The following TUBD1 variants were observed in gnomAD, a reference collection of about 807,000 sequenced individuals.
TUBD1 encodes the protein tubulin delta chain.
Under a neutral mutation model 51.2 loss-of-function variants are expected in TUBD1, and 38 were observed. That is an observed-to-expected ratio of 0.74 (90% CI 0.57 to 0.97). TUBD1 has a LOEUF of 0.97. TUBD1 is among the 50% of genes least tolerant of loss of function. TUBD1 has a pLI of 0.00. For missense variants in TUBD1, 489 were observed against 538.4 expected, an observed-to-expected ratio of 0.91 and a Z score of 0.91; for synonymous variants, 169 against 178.2, an observed-to-expected ratio of 0.95 and a Z score of 0.41.
In TUBD1 at chr17:59,878,330, A is replaced by G. The variant is rs1446731767; in HGVS notation, c.542T>C (p.Ile181Thr). The G allele has an allele frequency of 1.9e-6, 3 of 1,609,838 alleles. No homozygotes were observed. The highest frequency in any genetic ancestry group is 2.6e-6 in the Non-Finnish European group (3 of 1,176,134). ...IIWPYGTGEV[I>T]VQNYNSILTL... ...CAAAATGGAGTTGTAGTTTTGAACAATAACCTGGAGAGGAAAAGGTCAGAA... is the reference window on the plus strand; with the variant it reads ...CAAAATGGAGTTGTAGTTTTGAACAGTAACCTGGAGAGGAAAAGGTCAGAA... The change falls in exon 5 of 9, where the codon ATT becomes ACT. Residue 181 changes from isoleucine (I) to threonine (T), a missense_variant. Transcript: ENST00000325752.
chr17:59,871,924 T>G (rs1307159863), intron 6 of TUBD1, among the ~76,000 whole-genome samples: 1 of 151,664 alleles, frequency 6.6e-6, no homozygotes, highest in East Asian at 1.9e-4. Flanking sequence ...CCCTCCCAAG[T>G]AGCTAGGACT....
rs780470894 is a variant in TUBD1 at position 59,880,962 on chromosome 17, T to G, written c.469A>C (p.Asn157His). 2 of 1,614,146 alleles carry G rather than the reference T, an allele frequency of 1.2e-6. No individual in the cohort carries two copies. Among genetic ancestry groups the G allele is most frequent in the East Asian group, 4.5e-5 (2 of 44,874 alleles). ...GAGTTTGAGTACTGATCTTCTAAAT[T>G]CTGTGTAACGAAAGCTCCTAATCCT... ...GSGLGAFVTQ[N>H]LEDQYSNSLK... is the part of the protein sequence containing the mutation. The change falls in exon 4 of 9, where the codon AAT becomes CAT. Residue 157 changes from asparagine (N) to histidine (H), a missense_variant. Asn to His is a moderately conservative substitution (Grantham distance 68). Coordinates refer to ENST00000325752, the MANE Select transcript of TUBD1 (RefSeq NM_016261.4).
chr17:59,870,365 C>T (rs2039920756), intron 6 of TUBD1, among the ~76,000 whole-genome samples: 1 of 94,752 alleles, frequency 1.1e-5, no homozygotes, highest in Non-Finnish European at 1.9e-5. Context: ...AGTGTGACTC[C>T]ATCTCACAAA....
At chr17:59,864,330 G>C (rs1437053236) in intron 7 of TUBD1, among the ~76,000 whole-genome samples, 1 of 150,786 alleles carries the variant, frequency 6.6e-6, no homozygotes, top group Non-Finnish European at 1.5e-5. Context: ...ATTTTTTGTA[G>C]AGATGGGGTT....
intron 2 of TUBD1, among the ~76,000 whole-genome samples, chr17:59,888,572 G>A (rs1027244713): frequency 8.5e-5 from 13 of 152,200 alleles, no homozygotes; most frequent in African/African-American, 3.1e-4. Context: ...CTGGGCTAGA[G>A]GTCTGAAAGT....
intron 5 of TUBD1, among the ~76,000 whole-genome samples, chr17:59,877,597 G>A (rs565048675): frequency 2.6e-5 from 4 of 152,172 alleles, no homozygotes; most frequent in South Asian, 2.1e-4. Flanking sequence ...GTGAAACTCC[G>A]TCTCTACTAA....
chr17:59,872,008 C>T (rs1362815073), intron 6 of TUBD1, among the ~76,000 whole-genome samples: 2 of 151,884 alleles, frequency 1.3e-5, no homozygotes, highest in African/African-American at 2.4e-5. Flanking sequence ...GGCTGGAGAG[C>T]AGGGGTGTGA....
In TUBD1 at chr17:59,866,762, A is replaced by C; in HGVS notation, c.935-13T>G. 6.3e-7 allele frequency: 1 copy of C among 1,581,676 alleles called. No individual in the cohort carries two copies. The highest frequency in any genetic ancestry group is 8.5e-7 in the Non-Finnish European group (1 of 1,170,514). On this transcript the variant is annotated splice_polypyrimidine_tract_variant and intron_variant, in intron 6 of 8. Transcript: ENST00000325752. ...TGCCTATCAATACCTACCAAAAGAA[A>C]AAAAAAGCAAGAGGTTTTATTTTAT...
At chr17:59,886,260 G>A (rs547569294) in intron 2 of TUBD1, 30 bp from the exon 3 acceptor site, 101 of 1,545,854 alleles carry the variant, frequency 6.5e-5, no homozygotes, top group Non-Finnish European at 7.6e-5. Flanking sequence ...CAAAAACATC[G>A]AAAGAAAAAA....
At chr17:59,875,051 G>A (rs959143603) in intron 5 of TUBD1, among the ~76,000 whole-genome samples, 1 of 140,190 alleles carries the variant, frequency 7.1e-6, no homozygotes, top group African/African-American at 2.6e-5. Flanking sequence ...GTCATTCTAT[G>A]TTCACTAAAT....
At chr17:59,886,644 A>AG (rs2040748308) in intron 2 of TUBD1, 1 of 159,588 alleles carries the variant, frequency 6.3e-6, no homozygotes, top group African/African-American at 2.4e-5. Flanking sequence ...AAAAAAAAAA[A>AG]AAAAAAAAAA....
At chr17:59,860,564 T>C in intron 8 of TUBD1, 140 bp from the exon 9 acceptor site, 1 of 611,620 alleles carries the variant, frequency 1.6e-6, no homozygotes, top group Non-Finnish European at 2.8e-6. Context: ...TACATTTGCT[T>C]TGTTTACTCC....
intron 2 of TUBD1, among the ~76,000 whole-genome samples, chr17:59,887,859 T>C (rs2040802991): frequency 6.6e-6 from 1 of 152,086 alleles, no homozygotes; most frequent in African/African-American, 2.4e-5. Flanking sequence ...CTTGAATTCC[T>C]GGCCTCAAGC....
Position 59,880,030 on chromosome 17 carries a change from G to A in TUBD1, c.537+864C>T, listed in dbSNP as rs568200000. Among the ~76,000 whole-genome samples, 8 of 152,166 alleles carry A rather than the reference G, an allele frequency of 5.3e-5. No individual in the cohort carries two copies. In the South Asian group the frequency reaches 6.2e-4, roughly 12 times the overall value. On this transcript the variant is annotated intron_variant, in intron 4 of 8. Transcript: ENST00000325752. ...GGCCTCCCAAAGTGCTGGGATTACA[G>A]GTGTGAGCCACTGCGCCCAGCCATT...
chr17:59,879,750 A>T (rs1388529737), intron 4 of TUBD1, among the ~76,000 whole-genome samples: 1 of 150,962 alleles, frequency 6.6e-6, no homozygotes, highest in Non-Finnish European at 1.5e-5. Context: ...CTCTGAAAAA[A>T]AATTTTTCTT....
Position 59,859,704 on chromosome 17 carries a change from T to C in TUBD1, c.*618A>G, listed in dbSNP as rs2039345234. On this transcript the variant is annotated 3_prime_UTR_variant, in exon 9 of 9. Coordinates refer to ENST00000325752, the MANE Select transcript of TUBD1 (RefSeq NM_016261.4). The stretch of plus-strand genomic sequence containing the variant: ...TTAGCTTGAAATTATGCTGTGAAAG[T>C]TTGGTTCATGCTTTGTGAGTTGTTT... 1 of 152,580 alleles carries C rather than the reference T, an allele frequency of 6.6e-6. No homozygotes were observed. Among genetic ancestry groups the C allele is most frequent in the Non-Finnish European group, 1.5e-5 (1 of 68,022 alleles). The allele number at this position is 152,580 out of a possible 1,614,324, so 9.5% of individuals were successfully genotyped here. A position where few individuals can be genotyped will look rare whatever the true frequency, so the allele number is the denominator to read the frequency against.
intron 2 of TUBD1, among the ~76,000 whole-genome samples, chr17:59,887,533 A>AAG (rs975344341): frequency 2.0e-5 from 3 of 152,268 alleles, no homozygotes; most frequent in Admixed American, 2.0e-4. Flanking sequence ...GAGGATGGAG[A>AAG]AGGAGAGGGT....
Position 59,862,703 on chromosome 17 carries a change from C to T in TUBD1, c.1259+961G>A, listed in dbSNP as rs184781576. Among the ~76,000 whole-genome samples, 999 of 137,684 alleles carry T rather than the reference C, an allele frequency of 7.3e-3. 2 individuals carry two copies. Among genetic ancestry groups the T allele is most frequent in the Middle Eastern group, 0.02 (5 of 248 alleles). 90.3% of individuals were successfully genotyped at this position (137,684 alleles called of 152,430 possible). On this transcript the variant is annotated intron_variant, in intron 8 of 8. Transcript: ENST00000325752. The stretch of plus-strand genomic sequence containing the variant: ...TACAGGCACCCACCACTATGCCAAG[C>T]TAATTTTTGTATTTTTTTTTTTTTT...
At position 59,880,981 on chromosome 17, in the gene TUBD1, T is replaced by C. The variant is rs1366807613; in HGVS notation, c.450A>G (p.Leu150=). The C allele has an allele frequency of 2.5e-6, 4 of 1,614,182 alleles. No homozygotes were observed. Among genetic ancestry groups the C allele is most frequent in the Non-Finnish European group, 3.4e-6 (4 of 1,180,036 alleles). Residue 150 remains leucine, a synonymous_variant, in exon 4 of 9, where the codon TTA becomes TTG. Transcript: ENST00000325752. The part of the protein sequence containing the change: ...MSMAGGTGSG[L]GAFVTQNLED... ...CTAAATTCTGTGTAACGAAAGCTCC[T>C]AATCCTGATCCTGTGCCCCCAGCCA...
Sources: allele counts gnomAD v4.1 joint callset (sites outside exome capture counted in the v4.1 genomes callset), GRCh38; gene constraint gnomAD v4.1.1; transcripts MANE v1.5; gene names NCBI Gene and HGNC (gene_info 2026-07-23, HGNC 2026-07-21).